Variants in XIRP2 observed in about 807,000 individuals in gnomAD.
The protein encoded by XIRP2 is xin actin-binding repeat-containing protein 2.
XIRP2 carries 236 observed loss-of-function variants against 277.0 expected under a neutral mutation model. That is an observed-to-expected ratio of 0.85 (90% CI 0.77 to 0.95). XIRP2 has a LOEUF of 0.95. XIRP2 is among the 40% of genes least tolerant of loss of function. The pLI, the probability that XIRP2 is intolerant of heterozygous loss-of-function variation, is 0.00. For missense variants in XIRP2, 4,640 were observed against 4,157.5 expected (o/e 1.12, Z -3.19); for synonymous variants, 1,490 against 1,416.5 (o/e 1.05, Z -1.17).
At chr2:167,036,168 A>G (rs1163456190) in intron 2 of XIRP2, among the ~76,000 whole-genome samples, 1 of 152,206 alleles carries the variant, frequency 6.6e-6, no homozygotes, top group African/African-American at 2.4e-5. Context: ...GCCCCCATAC[A>G]GAGTCCCTAC....
chr2:167,037,898 A>C (rs1054139389), intron 2 of XIRP2, among the ~76,000 whole-genome samples: 1 of 152,008 alleles, frequency 6.6e-6, no homozygotes, highest in African/African-American at 2.4e-5. Context: ...GATTATTGAT[A>C]ATTTCTTTTT....
chr2:167,074,141 G>A (rs1052668980), intron 2 of XIRP2, among the ~76,000 whole-genome samples: 1 of 152,086 alleles, frequency 6.6e-6, no homozygotes, highest in Non-Finnish European at 1.5e-5. Context: ...CTAGAAAGAT[G>A]AACTTTGTGG....
intron 2 of XIRP2, among the ~76,000 whole-genome samples, chr2:167,077,812 G>A (rs908389270): frequency 6.6e-6 from 1 of 152,168 alleles, no homozygotes; most frequent in Non-Finnish European, 1.5e-5. Flanking sequence ...TTGGAGCAGA[G>A]AAGAAACATA....
chr2:167,163,168 G>A (rs1692419909), intron 3 of XIRP2, among the ~76,000 whole-genome samples: 1 of 152,122 alleles, frequency 6.6e-6, no homozygotes, highest in African/African-American at 2.4e-5. Context: ...TGGACATATA[G>A]TTTCACTTTA....
intron 2 of XIRP2, among the ~76,000 whole-genome samples, chr2:167,078,303 C>T (rs1375995370): frequency 6.6e-6 from 1 of 152,134 alleles, no homozygotes; most frequent in Non-Finnish European, 1.5e-5. Flanking sequence ...TATAGAAATG[C>T]TGCAGATTTT....
At chr2:167,060,648 A>G (rs1243804947) in intron 2 of XIRP2, among the ~76,000 whole-genome samples, 3 of 152,172 alleles carry the variant, frequency 2.0e-5, no homozygotes, top group African/African-American at 7.2e-5. Flanking sequence ...TTGATCATCT[A>G]TGTTTGGATC....
At chr2:166,912,370 A>T (rs1319827557) in intron 2 of XIRP2, among the ~76,000 whole-genome samples, 1 of 152,066 alleles carries the variant, frequency 6.6e-6, no homozygotes, top group Middle Eastern at 3.2e-3. Context: ...TTCTTCAATC[A>T]CTGATACCCT....
At chr2:167,094,414 G>A (rs1690238455) in intron 2 of XIRP2, among the ~76,000 whole-genome samples, 1 of 152,176 alleles carries the variant, frequency 6.6e-6, no homozygotes, top group African/African-American at 2.4e-5. Flanking sequence ...GAATGGTATT[G>A]CCTAGGTTTT....
chr2:167,251,374 G>T lies in XIRP2; in HGVS notation c.9982G>T (p.Asp3328Tyr), dbSNP rs768710638. The T allele has an allele frequency of 1.5e-5, 25 of 1,613,534 alleles. No individual in the cohort carries two copies. The highest frequency in any genetic ancestry group is 4.4e-5 in the South Asian group (4 of 91,062). ...TCAAATGGCTGAAAATTTCGTGAAT[G>T]ACCCTGAAAATGAAATAAACAGATG... ...TVQMAENFVN[D>Y]PENEINRWFR... Residue 3328 changes from aspartate to tyrosine, a missense_variant, in exon 9 of 11, where the codon GAC becomes TAC. Transcript: ENST00000409195.
chr2:167,148,411 GAA>G (rs1691920162), intron 3 of XIRP2, among the ~76,000 whole-genome samples: 1 of 136,774 alleles, frequency 7.3e-6, no homozygotes, highest in East Asian at 2.2e-4. Flanking sequence ...GAAAAAGAAA[GAA>G]AGAGAGAAAG....
chr2:167,091,449 A>G (rs2105275681), intron 2 of XIRP2, among the ~76,000 whole-genome samples: 1 of 152,168 alleles, frequency 6.6e-6, no homozygotes, highest in South Asian at 2.1e-4. Flanking sequence ...CTCTTCAACT[A>G]TGTCTAATCT....
intron 2 of XIRP2, among the ~76,000 whole-genome samples, chr2:167,086,987 G>A (rs1314723402): frequency 1.3e-5 from 2 of 152,036 alleles, no homozygotes; most frequent in South Asian, 2.1e-4. Flanking sequence ...TGCTGGTGAG[G>A]AACTGCGTTC....
intron 2 of XIRP2, among the ~76,000 whole-genome samples, chr2:166,958,311 G>A (rs909310848): frequency 1.5e-4 from 23 of 151,844 alleles, no homozygotes; most frequent in African/African-American, 5.6e-4. Flanking sequence ...CAATTGCAGA[G>A]GGAGAGCAAG....
intron 2 of XIRP2, among the ~76,000 whole-genome samples, chr2:167,129,434 GTTC>G (rs1238375469): frequency 1.3e-5 from 2 of 152,206 alleles, no homozygotes; most frequent in African/African-American, 2.4e-5. Flanking sequence ...CTGGTAAGAT[GTTC>G]TTATTATTTT....
In XIRP2 at chr2:167,150,585, G is replaced by A. The variant is rs149903938; in HGVS notation, c.562+14523G>A. Among the ~76,000 whole-genome samples the A allele has an allele frequency of 3.3e-5, 5 of 152,064 alleles. No individual in the cohort carries two copies. The East Asian group carries it at 9.6e-4, about 29-fold the overall frequency. ...AAGTAAGATTGAGAAGAATGAGATA[G>A]TAAGGTTGGTATGACATAGGAAGTG... On this transcript the variant is annotated intron_variant, in intron 3 of 10. Coordinates refer to ENST00000409195, the MANE Select transcript of XIRP2 (RefSeq NM_152381.6).
intron 2 of XIRP2, among the ~76,000 whole-genome samples, chr2:167,066,866 T>C (rs994772408): frequency 1.3e-5 from 2 of 152,242 alleles, no homozygotes; most frequent in East Asian, 3.9e-4. Flanking sequence ...TTATGCCAAG[T>C]AAAACAAGCT....
chr2:167,113,986 A>G (rs1321665549), intron 2 of XIRP2, among the ~76,000 whole-genome samples: 1 of 152,082 alleles, frequency 6.6e-6, no homozygotes, highest in Non-Finnish European at 1.5e-5. Context: ...TCTAGCTTGT[A>G]AGGTTTCCGC....
chr2:167,074,783 G>A (rs1689519948), intron 2 of XIRP2, among the ~76,000 whole-genome samples: 1 of 151,988 alleles, frequency 6.6e-6, no homozygotes, highest in Admixed American at 6.6e-5. Flanking sequence ...GGGACTACAG[G>A]CACCAGCCAC....
chr2:167,083,076 A>G (rs1324504588), intron 2 of XIRP2, among the ~76,000 whole-genome samples: 1 of 152,170 alleles, frequency 6.6e-6, no homozygotes, highest in Non-Finnish European at 1.5e-5. Context: ...TTATGGTTTT[A>G]GGTCTAACAT....
Sources: allele counts gnomAD v4.1 joint callset (sites outside exome capture counted in the v4.1 genomes callset), GRCh38; gene constraint gnomAD v4.1.1; transcripts MANE v1.5; gene names NCBI Gene and HGNC (gene_info 2026-07-23, HGNC 2026-07-21).